C3orf20: variants seen among roughly 807,000 people sequenced by gnomAD.
C3orf20 encodes the protein uncharacterized protein C3orf20.
Under a neutral mutation model 88.3 loss-of-function variants are expected in C3orf20, and 76 were observed. The ratio of observed to expected loss-of-function variants is 0.86; its 90% confidence interval spans 0.72 to 1.04. The LOEUF is 1.04. Ranked by LOEUF, C3orf20 falls within the 50% of genes least tolerant of loss-of-function variation. C3orf20 has a pLI of 0.00. For missense variants in C3orf20, 1,056 were observed against 1,123.3 expected (o/e 0.94, Z 0.86); for synonymous variants, 436 against 437.4 (o/e 1.00, Z 0.04).
intron 7 of C3orf20, among the ~76,000 whole-genome samples, chr3:14,712,059 A>G (rs1475336066): frequency 6.6e-6 from 1 of 152,066 alleles, no homozygotes; most frequent in Non-Finnish European, 1.5e-5. Flanking sequence ...ACATTTGGAA[A>G]TAGGGGCTCT....
chr3:14,702,169 G>A (rs143438135), intron 5 of C3orf20, among the ~76,000 whole-genome samples: 115 of 152,246 alleles, frequency 7.6e-4, no homozygotes, highest in Non-Finnish European at 1.2e-3. Flanking sequence ...GGCAGGAGGC[G>A]AAAGGCACTC....
intron 12 of C3orf20, among the ~76,000 whole-genome samples, chr3:14,745,297 A>G (rs2035028740): frequency 6.6e-6 from 1 of 152,166 alleles, no homozygotes; most frequent in Non-Finnish European, 1.5e-5. Flanking sequence ...GTGGCTCTCC[A>G]ACCTTATGCT....
chr3:14,694,733 G>A (rs565722285), intron 5 of C3orf20, among the ~76,000 whole-genome samples: 1 of 150,916 alleles, frequency 6.6e-6, no homozygotes, highest in African/African-American at 2.4e-5. Context: ...TTTGTGTTTG[G>A]TTTGCTCTTG....
At chr3:14,721,915 C>T in intron 10 of C3orf20, 131 bp downstream of exon 10, 1 of 1,090,788 alleles carries the variant, frequency 9.2e-7, no homozygotes, top group Non-Finnish European at 1.3e-6. Context: ...TTTTCCTCTG[C>T]CATTATTCAC....
chr3:14,723,769 G>T (rs2034247015), intron 10 of C3orf20, among the ~76,000 whole-genome samples: 1 of 150,700 alleles, frequency 6.6e-6, no homozygotes, highest in Non-Finnish European at 1.5e-5. Context: ...CACTCTAAAA[G>T]GCCATTGGTT....
chr3:14,772,279 C>A lies in C3orf20; in HGVS notation c.2630+78C>A. The stretch of plus-strand genomic sequence containing the variant: ...CGGGGCTATTTGGCCTTGGGCAAGT[C>A]ACTACCCCCAGGCGTGGCCTGGGTC... On this transcript the variant is annotated intron_variant, in intron 16 of 16. Coordinates refer to ENST00000253697, the MANE Select transcript of C3orf20 (RefSeq NM_032137.5). This position sits in a 1 kb window ranked among gnomAD's most constrained non-coding sequence, Gnocchi z 4.2. 6.3e-7 allele frequency: 1 copy of A among 1,576,772 alleles called. No individual in the cohort carries two copies.
At chr3:14,677,593 C>G (rs930075291) in intron 1 of C3orf20, among the ~76,000 whole-genome samples, 1 of 152,054 alleles carries the variant, frequency 6.6e-6, no homozygotes, top group Non-Finnish European at 1.5e-5. Flanking sequence ...CTCTGCCTCC[C>G]GGGTTCAGGC....
At chr3:14,763,353 T>G (rs993588881) in intron 15 of C3orf20, among the ~76,000 whole-genome samples, 2 of 152,152 alleles carry the variant, frequency 1.3e-5, no homozygotes, top group African/African-American at 4.8e-5. Context: ...TGCTTCCTGG[T>G]TCATAGATGG....
chr3:14,680,235 AAAT>A (rs150511780), intron 1 of C3orf20, among the ~76,000 whole-genome samples: 1,669 of 152,224 alleles, frequency 0.011, 30 homozygotes, highest in African/African-American at 0.036. Flanking sequence ...AATAGCCAAA[AAAT>A]AAAAATAACC....
At chr3:14,739,873 C>A (rs774917396) in intron 12 of C3orf20, among the ~76,000 whole-genome samples, 1 of 152,200 alleles carries the variant, frequency 6.6e-6, no homozygotes, top group East Asian at 1.9e-4. Context: ...TCCTTTGTGG[C>A]TTCCTCATCT....
At chr3:14,677,380 C>T (rs1486705203) in intron 1 of C3orf20, among the ~76,000 whole-genome samples, 10 of 152,172 alleles carry the variant, frequency 6.6e-5, no homozygotes, top group South Asian at 2.1e-4. Flanking sequence ...TCATTCAGAA[C>T]GTCTTCCCTT....
In C3orf20 at chr3:14,703,223, C is replaced by G. The variant is rs941740882; in HGVS notation, c.839C>G (p.Pro280Arg). The part of the protein sequence containing the change: ...ANSLEFSDPC[P>R]EAREKLQELC... The stretch of plus-strand genomic sequence containing the variant: ...AGCCTGGAGTTCAGCGACCCCTGCC[C>G]TGAGGCCCGGGAGAAGCTGCAGGAG... The change falls in exon 6 of 17, where the codon CCT becomes CGT. Residue 280 changes from proline (P) to arginine (R), a missense_variant. Coordinates refer to ENST00000253697, the MANE Select transcript of C3orf20 (RefSeq NM_032137.5). 6.2e-7 allele frequency: 1 copy of G among 1,614,186 alleles called. No homozygotes were observed. Among genetic ancestry groups the G allele is most frequent in the Non-Finnish European group, 8.5e-7 (1 of 1,180,036 alleles).
intron 11 of C3orf20, among the ~76,000 whole-genome samples, chr3:14,727,399 A>G (rs1418890520): frequency 6.6e-6 from 1 of 151,952 alleles, no homozygotes. Context: ...CCCATCATCC[A>G]TCTGGAGCCC....
At chr3:14,689,959 A>C in intron 4 of C3orf20, 38 bp from the exon 5 acceptor site, 1 of 1,613,488 alleles carries the variant, frequency 6.2e-7, no homozygotes, top group Non-Finnish European at 8.5e-7. Flanking sequence ...ATTAAAAGTA[A>C]ACAGTTGAAA....
chr3:14,696,809 C>T (rs967467324), intron 5 of C3orf20, among the ~76,000 whole-genome samples: 3 of 151,838 alleles, frequency 2.0e-5, no homozygotes, highest in Non-Finnish European at 4.4e-5. Context: ...TATACTAACA[C>T]CTTTTCTTTC....
chr3:14,696,565 AT>A (rs2033013323), intron 5 of C3orf20, among the ~76,000 whole-genome samples: 1 of 151,646 alleles, frequency 6.6e-6, no homozygotes, highest in Non-Finnish European at 1.5e-5. Flanking sequence ...TAATTTTTGT[AT>A]TTTTAGTAGA....
chr3:14,686,142 G>A (rs924216917), intron 4 of C3orf20, among the ~76,000 whole-genome samples: 5 of 152,020 alleles, frequency 3.3e-5, no homozygotes, highest in Non-Finnish European at 7.4e-5. Context: ...TTGCAGGCGT[G>A]AGCCACCACG....
At chr3:14,708,678 C>T (rs1421892320) in intron 7 of C3orf20, among the ~76,000 whole-genome samples, 2 of 152,096 alleles carry the variant, frequency 1.3e-5, no homozygotes, top group East Asian at 3.8e-4. Context: ...GAGTCTCACT[C>T]TGTCACCCAG....
intron 9 of C3orf20, among the ~76,000 whole-genome samples, chr3:14,720,955 C>T (rs1559419575): frequency 6.6e-6 from 1 of 152,228 alleles, no homozygotes; most frequent in African/African-American, 2.4e-5. Flanking sequence ...ACCCGTAGAC[C>T]ACAGAGCTCT....
Sources: allele counts gnomAD v4.1 joint callset (sites outside exome capture counted in the v4.1 genomes callset), GRCh38; gene constraint gnomAD v4.1.1; non-coding constraint Gnocchi (gnomAD v3.1); transcripts MANE v1.5; gene names NCBI Gene and HGNC (gene_info 2026-07-23, HGNC 2026-07-21).